Variants in MXRA8 observed in about 807,000 individuals in gnomAD.
MXRA8 encodes the protein matrix remodeling-associated protein 8.
In MXRA8, 44 loss-of-function variants were observed where a neutral mutation model predicts 51.4. The ratio of observed to expected loss-of-function variants is 0.86; its 90% CI spans 0.67 to 1.10. The LOEUF (loss-of-function observed/expected upper bound fraction) is 1.10. MXRA8 is among the 50% of genes least tolerant of loss of function. The pLI is 0.00. For missense variants in MXRA8, 765 were observed against 638.9 expected (o/e 1.20, Z -2.13); for synonymous variants, 369 against 293.5 (o/e 1.26, Z -2.63).
chr1:1,354,181 G>T lies in MXRA8; in HGVS notation c.1145+12C>A, dbSNP rs769983037. 7.4e-6 allele frequency: 12 copies of T among 1,612,610 alleles called. No homozygotes were observed. Among genetic ancestry groups the T allele is most frequent in the South Asian group, 2.2e-5 (2 of 91,090 alleles). ...CCCTGGTCCCCAGGAGGGCCGGGAG[G>T]GGGGCACTCACCCCTTTGACTTTCC... On this transcript the variant is annotated intron_variant, in intron 7 of 9. Coordinates refer to ENST00000309212, the MANE Select transcript of MXRA8 (RefSeq NM_032348.4).
At position 1,353,278 on chromosome 1, in the gene MXRA8, G is replaced by A; in HGVS notation, c.*326C>T. The A allele has an allele frequency of 6.5e-7, 1 of 1,541,586 alleles. No homozygotes were observed. The highest frequency in any genetic ancestry group is 8.8e-7 in the Non-Finnish European group (1 of 1,138,982). On this transcript the variant is annotated 3_prime_UTR_variant, in exon 10 of 10. Coordinates refer to ENST00000309212, the MANE Select transcript of MXRA8 (RefSeq NM_032348.4). The stretch of plus-strand genomic sequence containing the variant: ...AGTTTTGGGGCTGCCAGGTTCTGAT[G>A]GGAGTGTCCTCCAGGAATGTCTTCA...
In MXRA8 at chr1:1,354,175, C is replaced by G. The variant is rs200245401; in HGVS notation, c.1145+18G>C. The G allele has an allele frequency of 8.7e-6, 14 of 1,612,602 alleles. No homozygotes were observed. In the African/African-American group the frequency reaches 1.6e-4, roughly 18 times the overall value. On this transcript the variant is annotated intron_variant, in intron 7 of 9. Transcript: ENST00000309212. ...AGGGGGCCCTGGTCCCCAGGAGGGCCGGGAGGGGGGCACTCACCCCTTTGA... is the reference window on the plus strand; with the variant it reads ...AGGGGGCCCTGGTCCCCAGGAGGGCGGGGAGGGGGGCACTCACCCCTTTGA...
At chr1:1,358,752 G>T (rs1449146381), upstream of MXRA8, 12 of 1,327,020 alleles carry the variant, frequency 9.0e-6, no homozygotes, top group Middle Eastern at 2.9e-4. Context: ...CTGGGGAGGG[G>T]TGGTGACCGC....
chr1:1,354,672 C>G lies in MXRA8; in HGVS notation c.949+10G>C, dbSNP rs758252667. The G allele has an allele frequency of 5.8e-6, 9 of 1,558,500 alleles. No individual in the cohort carries two copies. The South Asian group carries it at 1.1e-4, about 18-fold the overall frequency. On this transcript the variant is annotated intron_variant, in intron 5 of 9. Transcript: ENST00000309212. ...CCCGCCTTCCCGGGTCCCAGGGAGG[C>G]CTCCTTCACCTGGGCCTGGGGCGCC... is the stretch of plus-strand genomic sequence containing the variant.
Position 1,355,260 on chromosome 1 carries a change from C to T in MXRA8, c.462G>A (p.Leu154=), listed in dbSNP as rs766656799. The T allele has an allele frequency of 5.7e-6, 9 of 1,567,314 alleles. No homozygotes were observed. Among genetic ancestry groups the T allele is most frequent in the Non-Finnish European group, 4.3e-6 (5 of 1,161,670 alleles). ...CHLYESLAVR[L]EVTDGPPATP... The stretch of plus-strand genomic sequence containing the variant: ...AGCACTCACGGCCGTCGGTGACCTC[C>T]AGGCGGACGGCCAGGCTCTCGTAGA... Residue 154 remains leucine, a synonymous_variant, in exon 4 of 10, where the codon CTG becomes CTA. Coordinates refer to ENST00000309212, the MANE Select transcript of MXRA8 (RefSeq NM_032348.4).
chr1:1,354,382 G>T lies in MXRA8; in HGVS notation c.1077C>A (p.Val359=). The part of the protein sequence containing the change: ...LLLFILLLVT[V]LLAARRRRGG... Reference sequence around the variant, plus strand: ...CGCGGCGCCTGCGGGCGGCCAGGAGGACAGTGACCAGTAGCAGGATGAAGA... The same window carrying T: ...CGCGGCGCCTGCGGGCGGCCAGGAGTACAGTGACCAGTAGCAGGATGAAGA... The change falls in exon 6 of 10, where the codon GTC becomes GTA. Residue 359 remains valine, a synonymous_variant. Transcript: ENST00000309212. 1 of 1,612,156 alleles carries T rather than the reference G, an allele frequency of 6.2e-7. No individual in the cohort carries two copies. Among genetic ancestry groups the T allele is most frequent in the South Asian group, 1.1e-5 (1 of 91,026 alleles).
chr1:1,353,558 A>T lies in MXRA8; in HGVS notation c.*46T>A. The T allele has an allele frequency of 6.4e-7, 1 of 1,551,552 alleles. No homozygotes were observed. Among genetic ancestry groups the T allele is most frequent in the South Asian group, 1.2e-5 (1 of 84,112 alleles). On this transcript the variant is annotated 3_prime_UTR_variant, in exon 10 of 10. Transcript: ENST00000309212. ...TCAGGAGATGCCCCGAGGAGCACAG[A>T]CAGGAGAGGTGCAGCTGCTGGCCCA... is the stretch of plus-strand genomic sequence containing the variant.
rs1644041447 is a variant in MXRA8 at position 1,353,376 on chromosome 1, G to T, written c.*228C>A. On this transcript the variant is annotated 3_prime_UTR_variant, in exon 10 of 10. Coordinates refer to ENST00000309212, the MANE Select transcript of MXRA8 (RefSeq NM_032348.4). ...TCAGTGGGATTTTGGTTGTGCCAGG[G>T]GTGGGCAGGGCCACCCGTGAGCAAA... The T allele has an allele frequency of 1.3e-6, 2 of 1,545,320 alleles. No individual in the cohort carries two copies. The highest frequency in any genetic ancestry group is 2.7e-5 in the African/African-American group (2 of 72,852).
In MXRA8 at chr1:1,355,060, G is replaced by A; in HGVS notation, c.571C>T (p.His191Tyr). The change falls in exon 5 of 10, where the codon CAC becomes TAC. Residue 191 changes from histidine (H) to tyrosine (Y), a missense_variant. By Grantham distance (83) the His-to-Tyr change is moderately conservative. Coordinates refer to ENST00000309212, the MANE Select transcript of MXRA8 (RefSeq NM_032348.4). ...PALLTCVNRG[H>Y]VWTDRHVEEA... ...TCCACGTGCCGGTCGGTCCACACGT[G>A]CCCGCGGTTCACGCAGGTCAGAAGC... is the stretch of plus-strand genomic sequence containing the variant. 1.2e-6 allele frequency: 2 copies of A among 1,603,532 alleles called. No homozygotes were observed. Among genetic ancestry groups the A allele is most frequent in the Non-Finnish European group, 1.7e-6 (2 of 1,176,932 alleles).
chr1:1,356,850 G>T, intron 1 of MXRA8, 146 bp from the exon 2 acceptor site: 1 of 634,296 alleles, frequency 1.6e-6, no homozygotes, highest in Non-Finnish European at 2.4e-6. Context: ...CTCTCACACA[G>T]ACCTACATAG....
chr1:1,361,686 G>A (rs1326641937), upstream of MXRA8: 3 of 245,564 alleles, frequency 1.2e-5, no homozygotes, highest in East Asian at 9.9e-5. Context: ...CACGCACATC[G>A]GAAGCGTTAG....
intron 9 of MXRA8, 69 bp downstream of exon 9, chr1:1,353,779 G>A: frequency 1.3e-6 from 2 of 1,491,008 alleles, no homozygotes; most frequent in East Asian, 2.3e-5. Flanking sequence ...TGCCATCGTT[G>A]GTCCCAGGTG....
Position 1,356,698 on chromosome 1 carries a change from G to C in MXRA8, c.56C>G (p.Ala19Gly), listed in dbSNP as rs768847682. 1 of 1,430,824 alleles carries C rather than the reference G, an allele frequency of 7.0e-7. No individual in the cohort carries two copies. Among genetic ancestry groups the C allele is most frequent in the Admixed American group, 2.3e-5 (1 of 43,368 alleles). The allele number at this position is 1,430,824 out of a possible 1,614,324, so 88.6% of individuals were successfully genotyped here. ...TCACTAACCTGAGTGCAGGAGAACA[G>C]CAGAGCCTGGAAGGAGAGGAGTGAG... is the stretch of plus-strand genomic sequence containing the variant. ...LWKLVLLQSS[A>G]VLLHSGSSVP... The change falls in exon 2 of 10, where the codon GCT becomes GGT. Residue 19 changes from alanine (A) to glycine (G), a missense_variant. Ala to Gly is a moderately conservative substitution (Grantham distance 60, BLOSUM62 0). Transcript: ENST00000309212.
upstream of MXRA8, chr1:1,361,287 C>T (rs1422087118): frequency 1.0e-5 from 7 of 703,410 alleles, no homozygotes; most frequent in East Asian, 1.9e-4. Context: ...GTCCCACTTC[C>T]TGTCGTTCAG....
upstream of MXRA8, chr1:1,358,574 C>A: frequency 2.6e-6 from 4 of 1,559,266 alleles, no homozygotes; most frequent in Non-Finnish European, 3.5e-6. Flanking sequence ...AGCCCTACCC[C>A]CTCCCCCTCC....
chr1:1,354,040 G>A lies in MXRA8; in HGVS notation c.1212C>T (p.Asp404=). ...AGDQMLYRSE[D]IQLDYKNNIL... is the part of the protein sequence containing the mutation. ...CCAGCACTGCCTCACCTAGCTGGAT[G>A]TCCTCACTCCTGTAAAGCATCTGGT... The change falls in exon 8 of 10, where the codon GAC becomes GAT. Residue 404 remains aspartate, a synonymous_variant. Transcript: ENST00000309212. 5 of 1,612,964 alleles carry A rather than the reference G, an allele frequency of 3.1e-6. No homozygotes were observed. The highest frequency in any genetic ancestry group is 2.5e-6 in the Non-Finnish European group (3 of 1,179,976).
At chr1:1,360,014 C>G (rs1245284167), upstream of MXRA8, among the ~76,000 whole-genome samples, 2 of 152,258 alleles carry the variant, frequency 1.3e-5, no homozygotes, top group Admixed American at 1.3e-4. Context: ...CGTCACTCTC[C>G]CTGTTCCCTC....
In MXRA8 at chr1:1,358,405, G is replaced by C. The variant is rs369987704; in HGVS notation, c.49+51C>G. 3.2e-6 allele frequency: 5 copies of C among 1,558,660 alleles called. No individual in the cohort carries two copies. The African/African-American group carries it at 4.1e-5, about 13-fold the overall frequency. On this transcript the variant is annotated intron_variant, in intron 1 of 9. Coordinates refer to ENST00000309212, the MANE Select transcript of MXRA8 (RefSeq NM_032348.4). ...GGGCGGTTTTGTCCGAAACGGACTC[G>C]CACAGCCCCACGTGCCACCCCCCAC...
rs774093504 is a variant in MXRA8 at position 1,354,908 on chromosome 1, G to A, written c.723C>T (p.Asp241=). Residue 241 remains aspartate (D), a synonymous_variant, in exon 5 of 10, where the codon GAC becomes GAT. Coordinates refer to ENST00000309212, the MANE Select transcript of MXRA8 (RefSeq NM_032348.4). The part of the protein sequence containing the change: ...RRAYGPLFLR[D]RVAVGADAFE... ...AGGCATCCGCGCCCACAGCCACGCGGTCGCGCAGAAAAAGGGGCCCGTAGG... is the reference window on the plus strand; with the variant it reads ...AGGCATCCGCGCCCACAGCCACGCGATCGCGCAGAAAAAGGGGCCCGTAGG... The A allele has an allele frequency of 6.2e-6, 10 of 1,610,012 alleles. No individual in the cohort carries two copies. Among genetic ancestry groups the A allele is most frequent in the Non-Finnish European group, 8.5e-6 (10 of 1,178,844 alleles).
Sources: gnomAD v4.1 joint callset for allele counts (sites outside exome capture counted in the v4.1 genomes callset) on GRCh38, gnomAD v4.1.1 for gene constraint, MANE v1.5 for transcripts, NCBI Gene and HGNC (gene_info 2026-07-23, HGNC 2026-07-21) for gene names.